Variants in DLG2 observed in about 807,000 individuals in gnomAD.
The protein encoded by DLG2 is disks large homolog 2.
Under a neutral mutation model 132.5 loss-of-function variants are expected in DLG2, and 45 were observed. The ratio of observed to expected loss-of-function variants is 0.34; its 90% CI spans 0.27 to 0.44. The LOEUF is 0.44. Ranked by LOEUF, DLG2 falls within the 20% of genes least tolerant of loss-of-function variation. The pLI is 1.00. For synonymous variants in DLG2, 424 were observed against 419.6 expected (o/e 1.01, Z -0.13); for missense variants, 1,045 against 1,196.9 (o/e 0.87, Z 1.87).
rs566556162 is a variant in DLG2 at position 85,408,800 on chromosome 11, T to C, written c.41-123435A>G. 5.3e-4 allele frequency among the ~76,000 whole-genome samples: 80 copies of C among 151,860 alleles called. 2 individuals are homozygous for C. The highest frequency in any genetic ancestry group is 1.6e-3 in the African/African-American group (68 of 41,412). On this transcript the variant is annotated intron_variant, in intron 3 of 27. Coordinates refer to ENST00000376104, the MANE Select transcript of DLG2 (RefSeq NM_001142699.3). ...TTTTCTTAATCCAGTCTATCATTGTTGGACATTTGGGTTGGTTCCAAGTCT... is the reference window on the plus strand; with the variant it reads ...TTTTCTTAATCCAGTCTATCATTGTCGGACATTTGGGTTGGTTCCAAGTCT...
At chr11:85,485,292 T>G (rs907304885) in intron 3 of DLG2, among the ~76,000 whole-genome samples, 10 of 152,146 alleles carry the variant, frequency 6.6e-5, no homozygotes, top group Admixed American at 2.6e-4. Context: ...GCATGGCACA[T>G]GTATACATAT....
chr11:85,191,813 A>C (rs184575218), intron 4 of DLG2, among the ~76,000 whole-genome samples: 1 of 152,194 alleles, frequency 6.6e-6, no homozygotes, highest in African/African-American at 2.4e-5. Context: ...AATACTTCTT[A>C]TAAGTCTACT....
At chr11:83,726,319 G>A (rs2089990039) in intron 18 of DLG2, among the ~76,000 whole-genome samples, 1 of 152,082 alleles carries the variant, frequency 6.6e-6, no homozygotes, top group Non-Finnish European at 1.5e-5. Context: ...AGTCTCCAGG[G>A]TTTTAGGTTA....
intron 6 of DLG2, among the ~76,000 whole-genome samples, chr11:84,798,663 T>C (rs943875912): frequency 1.3e-5 from 2 of 152,178 alleles, no homozygotes; most frequent in Admixed American, 6.5e-5. Flanking sequence ...CTTGGTGTTC[T>C]ATCCTACTGT....
chr11:83,659,873 A>G (rs530921031), intron 18 of DLG2, among the ~76,000 whole-genome samples: 135 of 152,358 alleles, frequency 8.9e-4, no homozygotes, highest in African/African-American at 3.0e-3. Context: ...CCATTTGATT[A>G]TCAAGTGTTT....
chr11:83,521,314 G>A (rs2095474640), intron 21 of DLG2, among the ~76,000 whole-genome samples: 1 of 152,120 alleles, frequency 6.6e-6, no homozygotes, highest in African/African-American at 2.4e-5. Context: ...GGGAGAAGTG[G>A]ATTTATCACA....
chr11:84,901,808 A>G (rs1033170279), intron 6 of DLG2, among the ~76,000 whole-genome samples: 1 of 152,070 alleles, frequency 6.6e-6, no homozygotes, highest in South Asian at 2.1e-4. Flanking sequence ...AGTAGAAAAC[A>G]AACTCTTAAT....
intron 4 of DLG2, among the ~76,000 whole-genome samples, chr11:85,191,162 G>GCGCGCGCGCGCGCACACACACACACA (rs34410192): frequency 7.2e-6 from 1 of 139,842 alleles, no homozygotes; most frequent in African/African-American, 2.8e-5. Flanking sequence ...GCGCACGCGC[G>GCGCGCGCGCGCGCACACACACACACA]CACACACACA....
intron 16 of DLG2, among the ~76,000 whole-genome samples, chr11:83,853,147 C>T (rs981505870): frequency 6.6e-6 from 1 of 152,058 alleles, no homozygotes; most frequent in Non-Finnish European, 1.5e-5. Context: ...ATAAAATCCC[C>T]TTGATTTTCT....
chr11:85,134,776 A>G (rs1249376223), intron 5 of DLG2, among the ~76,000 whole-genome samples: 1 of 152,072 alleles, frequency 6.6e-6, no homozygotes, highest in African/African-American at 2.4e-5. Context: ...TGTTCTGAGG[A>G]AAAAAAGAAG....
intron 9 of DLG2, among the ~76,000 whole-genome samples, chr11:84,121,351 CTA>C (rs1491541690): frequency 6.6e-6 from 1 of 152,096 alleles, no homozygotes; most frequent in African/African-American, 2.4e-5. Context: ...AGCAGGTACT[CTA>C]TGTTTATTAC....
intron 4 of DLG2, among the ~76,000 whole-genome samples, chr11:85,272,654 C>T (rs2077610372): frequency 6.6e-6 from 1 of 151,980 alleles, no homozygotes; most frequent in Non-Finnish European, 1.5e-5. Context: ...TAGGAAGAAT[C>T]AATATCGTGA....
At chr11:83,776,863 T>C (rs2094601369) in intron 18 of DLG2, among the ~76,000 whole-genome samples, 1 of 152,266 alleles carries the variant, frequency 6.6e-6, no homozygotes, top group South Asian at 2.1e-4. Context: ...CTCCTCTAGG[T>C]CAGAGCTTTT....
At chr11:84,194,713 C>T (rs1375979748) in intron 8 of DLG2, among the ~76,000 whole-genome samples, 1 of 152,236 alleles carries the variant, frequency 6.6e-6, no homozygotes, top group African/African-American at 2.4e-5. Flanking sequence ...CAACCTGACT[C>T]AGGACCCCAG....
chr11:85,544,244 G>A (rs1257646535), intron 3 of DLG2, among the ~76,000 whole-genome samples: 1 of 152,162 alleles, frequency 6.6e-6, no homozygotes. Flanking sequence ...TTATTAAATA[G>A]GGAATCCTTT....
intron 6 of DLG2, among the ~76,000 whole-genome samples, chr11:84,634,910 C>T (rs891207723): frequency 3.3e-5 from 5 of 152,038 alleles, no homozygotes; most frequent in Non-Finnish European, 5.9e-5. Context: ...TGGGAAATAC[C>T]GGACATCCTC....
intron 19 of DLG2, among the ~76,000 whole-genome samples, chr11:83,616,439 C>T (rs1235181779): frequency 1.3e-5 from 2 of 152,026 alleles, no homozygotes; most frequent in Non-Finnish European, 1.5e-5. Context: ...GTGAATTGAC[C>T]GTTTTACATA....
At chr11:84,995,297 C>T (rs1255450965) in intron 6 of DLG2, among the ~76,000 whole-genome samples, 1 of 152,134 alleles carries the variant, frequency 6.6e-6, no homozygotes, top group East Asian at 1.9e-4. Context: ...CCTCTGTGGG[C>T]TCTGGAGTTG....
intron 25 of DLG2, 113 bp downstream of exon 25, chr11:83,469,088 A>G: frequency 1.3e-6 from 1 of 779,580 alleles, no homozygotes; most frequent in Non-Finnish European, 2.1e-6. Context: ...AAATTATTAA[A>G]TCAAAATTTA....
Sources: gnomAD v4.1 joint callset for allele counts (sites outside exome capture counted in the v4.1 genomes callset) on GRCh38, gnomAD v4.1.1 for gene constraint, MANE v1.5 for transcripts, NCBI Gene and HGNC (gene_info 2026-07-23, HGNC 2026-07-21) for gene names.